NUMB: variants seen among roughly 807,000 people sequenced by gnomAD.
The protein encoded by NUMB is NUMB endocytic adaptor protein.
NUMB carries 29 observed loss-of-function variants against 59.7 expected under a neutral mutation model. The ratio of observed to expected loss-of-function variants is 0.49; its 90% CI spans 0.36 to 0.66. The LOEUF (loss-of-function observed/expected upper bound fraction) is 0.66, where lower values mean the gene tolerates loss of function less well. Among genes scored for constraint, NUMB ranks in the 30% least tolerant of loss-of-function variants. The pLI, the probability that NUMB is intolerant of heterozygous loss-of-function variation, is 0.00. For missense variants in NUMB, 723 were observed against 822.0 expected (o/e 0.88, Z 1.47); for synonymous variants, 288 against 288.2 (o/e 1.00, Z 0.01).
intron 2 of NUMB, 62 bp from the exon 3 acceptor site, chr14:73,367,043 C>T (rs944399878): frequency 4.0e-5 from 6 of 151,690 alleles, no homozygotes; most frequent in African/African-American, 9.7e-5. Context: ...TGCTGCATTG[C>T]GCTGAAATAG....
chr14:73,285,646 T>G (rs1888940122), intron 9 of NUMB: 1 of 151,936 alleles, frequency 6.6e-6, no homozygotes, highest in African/African-American at 2.4e-5. Context: ...TGGTTTAAGG[T>G]CAGGTGCGGT....
At chr14:73,449,284 A>G (rs61987084) in intron 1 of NUMB, among the ~76,000 whole-genome samples, 5,817 of 152,158 alleles carry the variant, frequency 0.038, 159 homozygotes, top group Non-Finnish European at 0.061. Flanking sequence ...CTGTGCATCT[A>G]TGGATTTTGG....
intron 1 of NUMB, among the ~76,000 whole-genome samples, chr14:73,440,166 CAACT>C (rs1566798078): frequency 6.7e-6 from 1 of 148,984 alleles, no homozygotes; most frequent in Admixed American, 6.7e-5. Context: ...GTAATGGTCT[CAACT>C]AATGCTGCTG....
At chr14:73,335,302 CAAA>C (rs10556271) in intron 4 of NUMB, among the ~76,000 whole-genome samples, 1,477 of 100,250 alleles carry the variant, frequency 0.015, 16 homozygotes, top group African/African-American at 0.035. Flanking sequence ...GCCAAAAAGA[CAAA>C]AAAAAAAAAA....
At chr14:73,440,579 C>T (rs186441539) in intron 1 of NUMB, among the ~76,000 whole-genome samples, 27 of 151,958 alleles carry the variant, frequency 1.8e-4, no homozygotes, top group Middle Eastern at 3.4e-3. Context: ...GGGGAGGTGA[C>T]TCACACCTGT....
chr14:73,345,812 G>A lies in NUMB; in HGVS notation c.126+9814C>T, dbSNP rs141464301. ...AATCCCAGCTACTCAGGAGGCTGAG[G>A]CAGGACAATCACTTGAACCCAGCAG... On this transcript the variant is annotated intron_variant, in intron 4 of 12. Coordinates refer to ENST00000555238, the MANE Select transcript of NUMB (RefSeq NM_001005743.2). Among the ~76,000 whole-genome samples, 613 of 151,972 alleles carry A rather than the reference G, an allele frequency of 4.0e-3. 3 individuals carry two copies. The highest frequency in any genetic ancestry group is 0.014 in the African/African-American group (586 of 41,438).
At chr14:73,325,902 T>C (rs1004501224) in intron 4 of NUMB, among the ~76,000 whole-genome samples, 1 of 152,170 alleles carries the variant, frequency 6.6e-6, no homozygotes, top group African/African-American at 2.4e-5. Flanking sequence ...ACTGCCTCTC[T>C]GTTTGGTAGA....
intron 12 of NUMB, among the ~76,000 whole-genome samples, chr14:73,278,721 C>CTTTTTTTT (rs35813203): frequency 3.4e-5 from 2 of 58,044 alleles, no homozygotes; most frequent in Non-Finnish European, 5.7e-5. Flanking sequence ...GCCCTGGAAT[C>CTTTTTTTT]TTTTTTTTTT....
intron 2 of NUMB, among the ~76,000 whole-genome samples, chr14:73,400,867 T>A (rs1332720593): frequency 6.6e-6 from 1 of 152,200 alleles, no homozygotes; most frequent in East Asian, 1.9e-4. Context: ...GCCCTATGCA[T>A]CTCTTCCATC....
chr14:73,426,309 G>A (rs1184815024), intron 1 of NUMB, among the ~76,000 whole-genome samples: 1 of 152,152 alleles, frequency 6.6e-6, no homozygotes, highest in Non-Finnish European at 1.5e-5. Context: ...ATGCAAAGTG[G>A]TAAGGCCTCT....
At chr14:73,377,210 C>T (rs1228211056) in intron 2 of NUMB, among the ~76,000 whole-genome samples, 1 of 152,126 alleles carries the variant, frequency 6.6e-6, no homozygotes, top group Non-Finnish European at 1.5e-5. Context: ...AGGCACAACC[C>T]ATTAAAGAAA....
At chr14:73,410,681 T>C (rs1896857758) in intron 1 of NUMB, among the ~76,000 whole-genome samples, 1 of 151,822 alleles carries the variant, frequency 6.6e-6, no homozygotes, top group Admixed American at 6.5e-5. Flanking sequence ...GTAGCAGTTG[T>C]TGTTTAAGTT....
chr14:73,290,819 C>T (rs1456864147), intron 8 of NUMB, among the ~76,000 whole-genome samples: 1 of 152,102 alleles, frequency 6.6e-6, no homozygotes, highest in African/African-American at 2.4e-5. Flanking sequence ...ATCCAAAATG[C>T]TCCAATGAGT....
chr14:73,282,098 G>C (rs1365164530), intron 11 of NUMB: 1 of 384,792 alleles, frequency 2.6e-6, no homozygotes, highest in East Asian at 4.5e-5. Flanking sequence ...TAAGGCAGTA[G>C]GTTGGGACTA....
intron 4 of NUMB, among the ~76,000 whole-genome samples, chr14:73,345,455 A>G (rs543830321): frequency 1.9e-4 from 29 of 152,338 alleles, no homozygotes; most frequent in African/African-American, 7.0e-4. Context: ...TTACCCATGT[A>G]ACAAACCTGC....
chr14:73,457,512 C>G (rs1333245426), intron 1 of NUMB: 1 of 151,832 alleles, frequency 6.6e-6, no homozygotes, highest in African/African-American at 2.4e-5. Flanking sequence ...GGGCAACTTT[C>G]TTTCTCTACC....
At chr14:73,421,845 AACCTAAGTATAGGCCGGGT>A (rs1296404456) in intron 1 of NUMB, among the ~76,000 whole-genome samples, 2 of 152,194 alleles carry the variant, frequency 1.3e-5, no homozygotes, top group Non-Finnish European at 2.9e-5. Flanking sequence ...GAATTAGAAT[AACCTAAGTATAGGCCGGGT>A]ACCGTGGCTC....
At chr14:73,400,487 GTCT>G (rs553194128) in intron 2 of NUMB, among the ~76,000 whole-genome samples, 3 of 152,146 alleles carry the variant, frequency 2.0e-5, no homozygotes, top group Non-Finnish European at 4.4e-5. Flanking sequence ...CATATAATTG[GTCT>G]TCTTGCCCTT....
intron 4 of NUMB, among the ~76,000 whole-genome samples, chr14:73,337,641 C>T (rs1279052894): frequency 6.6e-6 from 1 of 152,090 alleles, no homozygotes; most frequent in Admixed American, 6.6e-5. Flanking sequence ...ACAAGCTCTG[C>T]CCAGTGCAAT....
Sources: gnomAD v4.1 joint callset for allele counts (sites outside exome capture counted in the v4.1 genomes callset) on GRCh38, gnomAD v4.1.1 for gene constraint, MANE v1.5 for transcripts, NCBI Gene and HGNC (gene_info 2026-07-23, HGNC 2026-07-21) for gene names.